DAW1: variants seen among roughly 807,000 people sequenced by gnomAD.
DAW1 encodes the protein dynein assembly factor with WD repeat domains 1.
In DAW1, 47 loss-of-function variants were observed where a neutral mutation model predicts 56.5. That is an observed-to-expected ratio of 0.83 (90% CI 0.66 to 1.06). The LOEUF (loss-of-function observed/expected upper bound fraction) is 1.06. DAW1 is among the 50% of genes least tolerant of loss of function. The pLI, the probability that DAW1 is intolerant of heterozygous loss-of-function variation, is 0.00. For synonymous variants in DAW1, 190 were observed against 179.0 expected, an observed-to-expected ratio of 1.06 and a Z score of -0.49; for missense variants, 505 against 499.3, an observed-to-expected ratio of 1.01 and a Z score of -0.11.
At chr2:227,885,744 G>A (rs1418644069) in intron 2 of DAW1, among the ~76,000 whole-genome samples, 1 of 152,120 alleles carries the variant, frequency 6.6e-6, no homozygotes, top group Non-Finnish European at 1.5e-5. Context: ...TCTCAGATTA[G>A]CGGTGTACAT....
intron 11 of DAW1, among the ~76,000 whole-genome samples, chr2:227,920,539 A>T (rs899717355): frequency 6.6e-6 from 1 of 152,202 alleles, no homozygotes; most frequent in Admixed American, 6.5e-5. Flanking sequence ...ACAGAAGCGT[A>T]TTTATGGAAA....
In DAW1 at chr2:227,907,209, C is replaced by T; in HGVS notation, c.930C>T (p.Cys310=). Residue 310 remains cysteine, a synonymous_variant, in exon 10 of 13, where the codon TGC becomes TGT. Transcript: ENST00000309931. ...ATGATGATGAAATACTAGACAGCTG[C>T]TTTGATTACACTGGAAAGCTTATTG... ...TGHDDEILDS[C]FDYTGKLIAT... is the part of the protein sequence containing the mutation. 6.2e-7 allele frequency: 1 copy of T among 1,613,410 alleles called. No individual in the cohort carries two copies.
At chr2:227,885,727 G>C (rs2106191050) in intron 2 of DAW1, among the ~76,000 whole-genome samples, 1 of 152,218 alleles carries the variant, frequency 6.6e-6, no homozygotes, top group East Asian at 1.9e-4. Flanking sequence ...TTCCCCTGAT[G>C]TTAACATCTC....
intron 1 of DAW1, among the ~76,000 whole-genome samples, chr2:227,873,799 G>A (rs1574643921): frequency 1.3e-5 from 2 of 152,070 alleles, no homozygotes; most frequent in African/African-American, 4.8e-5. Context: ...TCATCCCTTA[G>A]CCTCCCAGGT....
intron 9 of DAW1, 58 bp from the exon 10 acceptor site, chr2:227,907,080 C>T: frequency 7.7e-7 from 1 of 1,305,136 alleles, no homozygotes; most frequent in Non-Finnish European, 1.1e-6. Flanking sequence ...GCCATCTTCA[C>T]ACTTCAGACA....
chr2:227,910,570 ATGTAT>A (rs991511054), intron 10 of DAW1, among the ~76,000 whole-genome samples: 8 of 151,886 alleles, frequency 5.3e-5, no homozygotes, highest in Non-Finnish European at 1.2e-4. Context: ...ATTATTTGAA[ATGTAT>A]TGGACAATGA....
intron 6 of DAW1, 100 bp from the exon 7 acceptor site, chr2:227,902,902 T>C (rs2949014): frequency 0.99 from 1,204,652 of 1,212,682 alleles, 598,679 homozygotes; most frequent in Non-Finnish European, 1. Flanking sequence ...AAGAATTAGA[T>C]GGAATCTGGT....
intron 8 of DAW1, among the ~76,000 whole-genome samples, chr2:227,905,899 C>T (rs1276639899): frequency 3.9e-5 from 6 of 152,106 alleles, no homozygotes; most frequent in South Asian, 2.1e-4. Context: ...GGACTACAGG[C>T]GCCCACCACC....
chr2:227,873,398 A>G (rs973915309), intron 1 of DAW1, among the ~76,000 whole-genome samples: 4 of 152,198 alleles, frequency 2.6e-5, no homozygotes, highest in Non-Finnish European at 4.4e-5. Flanking sequence ...CTCAGCTTCT[A>G]GAAGAGATTT....
rs756199564 is a variant in DAW1, at chr2:227,923,937, G to A, written c.1217G>A (p.Ser406Asn). 4 of 1,613,948 alleles carry A rather than the reference G, an allele frequency of 2.5e-6. No homozygotes were observed. In the Admixed American group the frequency reaches 6.7e-5, roughly 27 times the overall value. Residue 406 changes from serine (S) to asparagine (N), a missense_variant, in exon 13 of 13, where the codon AGC becomes AAC. Coordinates refer to ENST00000309931, the MANE Select transcript of DAW1 (RefSeq NM_178821.3). ...NYKGNIVITGSKDNTCRIWR is the reference protein window; with the variant it reads ...NYKGNIVITGNKDNTCRIWR Reference sequence around the variant, plus strand: ...TGCATGAAATCTGTTTTATTAGGCAGCAAGGATAATACCTGTAGGATATGG... The same window carrying A: ...TGCATGAAATCTGTTTTATTAGGCAACAAGGATAATACCTGTAGGATATGG...
At chr2:227,919,785 A>T (rs1112484) in intron 11 of DAW1, among the ~76,000 whole-genome samples, 1 of 152,010 alleles carries the variant, frequency 6.6e-6, no homozygotes, top group African/African-American at 2.4e-5. Context: ...CCAGCTCAGC[A>T]CAATCCCTTG....
intron 11 of DAW1, among the ~76,000 whole-genome samples, chr2:227,919,209 G>GAAAAAAAAAAAA (rs58496380): frequency 7.4e-6 from 1 of 134,796 alleles, no homozygotes; most frequent in Non-Finnish European, 1.6e-5. Context: ...AAAAAAAAAA[G>GAAAAAAAAAAAA]AAAAAAAAAA....
chr2:227,904,085 C>T (rs1422774010), intron 7 of DAW1, among the ~76,000 whole-genome samples: 2 of 151,928 alleles, frequency 1.3e-5, no homozygotes, highest in African/African-American at 2.4e-5. Flanking sequence ...ACTCCTTTTA[C>T]AGACGTGCCT....
At chr2:227,919,623 C>T (rs982007401) in intron 11 of DAW1, among the ~76,000 whole-genome samples, 17 of 152,072 alleles carry the variant, frequency 1.1e-4, no homozygotes, top group African/African-American at 3.9e-4. Flanking sequence ...ATAAAATTAT[C>T]CATTTTGAAA....
At chr2:227,876,540 A>G in intron 1 of DAW1, 1 of 1,273,626 alleles carries the variant, frequency 7.9e-7, no homozygotes, top group South Asian at 1.3e-5. Flanking sequence ...AAATTATTCC[A>G]CTGAATCATT....
intron 6 of DAW1, among the ~76,000 whole-genome samples, chr2:227,901,783 G>A (rs377568142): frequency 1.3e-5 from 2 of 152,146 alleles, no homozygotes; most frequent in African/African-American, 4.8e-5. Context: ...TGGTTGTAAA[G>A]GAGGAAGAAG....
intron 10 of DAW1, among the ~76,000 whole-genome samples, chr2:227,912,939 C>A (rs1380786256): frequency 1.3e-5 from 2 of 152,016 alleles, no homozygotes; most frequent in Non-Finnish European, 2.9e-5. Flanking sequence ...TGTTTGATGC[C>A]CCATCCTTGA....
rs1031563249 is a variant in DAW1 at position 227,905,455 on chromosome 2, C to T, written c.755+420C>T. On this transcript the variant is annotated intron_variant, in intron 8 of 12. Transcript: ENST00000309931. Reference sequence around the variant, plus strand: ...TTGGTCCTAGTTGCTAGGAAGTTAACTAAATTAGCATATTTGTGTTGGAAA... The same window carrying T: ...TTGGTCCTAGTTGCTAGGAAGTTAATTAAATTAGCATATTTGTGTTGGAAA... 3.3e-5 allele frequency among the ~76,000 whole-genome samples: 5 copies of T among 152,136 alleles called. No homozygotes were observed. The East Asian group carries it at 7.7e-4, about 23-fold the overall frequency.
intron 10 of DAW1, among the ~76,000 whole-genome samples, chr2:227,909,398 G>A (rs1405158297): frequency 6.8e-6 from 1 of 147,268 alleles, no homozygotes; most frequent in Non-Finnish European, 1.5e-5. Flanking sequence ...TATATACTAT[G>A]TATATAATTC....
Sources: gnomAD v4.1 joint callset for allele counts (sites outside exome capture counted in the v4.1 genomes callset) on GRCh38, gnomAD v4.1.1 for gene constraint, MANE v1.5 for transcripts, NCBI Gene and HGNC (gene_info 2026-07-23, HGNC 2026-07-21) for gene names.